The following EYA4 variants were observed in gnomAD, a reference collection of about 807,000 sequenced individuals.
The protein encoded by EYA4 is protein phosphatase EYA4.
Under a neutral mutation model 87.9 loss-of-function variants are expected in EYA4, and 31 were observed. The observed-to-expected ratio is 0.35, with a 90% CI of 0.27 to 0.48. EYA4 has a LOEUF of 0.48. Ranked by LOEUF, EYA4 falls within the 20% of genes least tolerant of loss-of-function variation. The pLI is 0.99. For synonymous variants in EYA4, 263 were observed against 270.6 expected, an observed-to-expected ratio of 0.97 and a Z score of 0.28; for missense variants, 678 against 761.4, an observed-to-expected ratio of 0.89 and a Z score of 1.29.
chr6:133,349,356 A>G (rs1783457434), intron 2 of EYA4, among the ~76,000 whole-genome samples: 1 of 152,220 alleles, frequency 6.6e-6, no homozygotes, highest in Non-Finnish European at 1.5e-5. Flanking sequence ...TCCATCAATT[A>G]GTATATAAGT....
At chr6:133,291,172 G>A (rs962452564) in intron 2 of EYA4, among the ~76,000 whole-genome samples, 5 of 151,956 alleles carry the variant, frequency 3.3e-5, no homozygotes, top group Non-Finnish European at 7.4e-5. Context: ...TCATCCCCTG[G>A]GCCTTTTATG....
chr6:133,393,280 T>A (rs1273816308), intron 3 of EYA4, among the ~76,000 whole-genome samples: 1 of 152,190 alleles, frequency 6.6e-6, no homozygotes, highest in Non-Finnish European at 1.5e-5. Context: ...AATTAAATGC[T>A]TATTCTCCCC....
intron 2 of EYA4, among the ~76,000 whole-genome samples, chr6:133,330,566 TATACACAC>T (rs776194326): frequency 3.1e-3 from 171 of 54,718 alleles, no homozygotes; most frequent in African/African-American, 0.011. Context: ...TATATATATA[TATACACAC>T]ACACACACAC....
chr6:133,433,273 T>C (rs930786394), intron 3 of EYA4, among the ~76,000 whole-genome samples: 5 of 152,222 alleles, frequency 3.3e-5, no homozygotes, highest in Non-Finnish European at 7.3e-5. Context: ...AGTAACCTCA[T>C]AGTCTTTTGT....
chr6:133,433,633 C>T (rs1190833962), intron 3 of EYA4, among the ~76,000 whole-genome samples: 4 of 152,148 alleles, frequency 2.6e-5, no homozygotes, highest in East Asian at 1.9e-4. Flanking sequence ...GGATTACAGG[C>T]GTGAGCCACT....
chr6:133,503,912 A>ACTT (rs1449674011), intron 13 of EYA4, among the ~76,000 whole-genome samples: 1 of 152,032 alleles, frequency 6.6e-6, no homozygotes, highest in Non-Finnish European at 1.5e-5. Flanking sequence ...ACAAACTGGC[A>ACTT]CTTATTAATA....
chr6:133,449,211 G>T (rs566822287), intron 5 of EYA4, among the ~76,000 whole-genome samples: 2 of 152,264 alleles, frequency 1.3e-5, no homozygotes, highest in Admixed American at 6.5e-5. Flanking sequence ...GCTCAGCTCT[G>T]CCATCATAGT....
chr6:133,510,501 T>C lies in EYA4; in HGVS notation c.1282-2220T>C, dbSNP rs79137983. ...AGAAAAACTTTATTTCCAACCCTTA[T>C]GCTAATGGGTAAAATCTCTCCACTC... is the stretch of plus-strand genomic sequence containing the variant. On this transcript the variant is annotated intron_variant, in intron 14 of 19. Coordinates refer to ENST00000355286, the MANE Select transcript of EYA4 (RefSeq NM_004100.5). 1,871 of 331,272 alleles carry C rather than the reference T, an allele frequency of 5.6e-3. 39 individuals are homozygous for C. The highest frequency in any genetic ancestry group is 0.038 in the African/African-American group (1,764 of 46,412). 20.5% of individuals were successfully genotyped at this position (331,272 alleles called of 1,614,324 possible).
At chr6:133,463,308 ATTAAATTTTT>A (rs1794560761) in intron 9 of EYA4, among the ~76,000 whole-genome samples, 2 of 150,938 alleles carry the variant, frequency 1.3e-5, no homozygotes, top group Non-Finnish European at 2.9e-5. Flanking sequence ...ATATAGGATC[ATTAAATTTTT>A]TTAAATTTTA....
chr6:133,354,356 A>G (rs1783857741), intron 2 of EYA4, among the ~76,000 whole-genome samples: 1 of 152,110 alleles, frequency 6.6e-6, no homozygotes, highest in Non-Finnish European at 1.5e-5. Flanking sequence ...ATTGGACATC[A>G]TGGCAGTGAT....
intron 13 of EYA4, among the ~76,000 whole-genome samples, chr6:133,497,239 C>T (rs760408950): frequency 4.6e-5 from 7 of 151,958 alleles, no homozygotes; most frequent in Non-Finnish European, 8.8e-5. Flanking sequence ...TGTTCTTTCC[C>T]CACAACTTGT....
chr6:133,258,108 G>C (rs550195372), intron 1 of EYA4, among the ~76,000 whole-genome samples: 25 of 152,250 alleles, frequency 1.6e-4, no homozygotes, highest in African/African-American at 6.0e-4. Context: ...AGTGTCTATG[G>C]GCAGCACCTG....
chr6:133,374,489 TC>T (rs1785517549), intron 2 of EYA4, among the ~76,000 whole-genome samples: 1 of 152,046 alleles, frequency 6.6e-6, no homozygotes, highest in Non-Finnish European at 1.5e-5. Context: ...ATTATCTAAC[TC>T]CACTATTCTT....
intron 2 of EYA4, among the ~76,000 whole-genome samples, chr6:133,290,584 C>G (rs1778410565): frequency 6.6e-6 from 1 of 152,084 alleles, no homozygotes; most frequent in East Asian, 1.9e-4. Flanking sequence ...TAGGGAGATT[C>G]TAAATAGAGC....
At chr6:133,268,164 T>G (rs542333448) in intron 1 of EYA4, among the ~76,000 whole-genome samples, 1 of 152,238 alleles carries the variant, frequency 6.6e-6, no homozygotes, top group Non-Finnish European at 1.5e-5. Context: ...CTCCTACTCT[T>G]TCCTAATCAT....
chr6:133,407,746 A>G (rs1184338253), intron 3 of EYA4, among the ~76,000 whole-genome samples: 1 of 151,982 alleles, frequency 6.6e-6, no homozygotes, highest in Non-Finnish European at 1.5e-5. Context: ...GGAAAAAAAA[A>G]TAAAAGAAAA....
chr6:133,262,790 C>T (rs1413260653), intron 1 of EYA4, among the ~76,000 whole-genome samples: 1 of 152,128 alleles, frequency 6.6e-6, no homozygotes, highest in East Asian at 1.9e-4. Context: ...CATGTTCTAT[C>T]TTTATAGACA....
chr6:133,401,495 C>T (rs1390897269), intron 3 of EYA4, among the ~76,000 whole-genome samples: 5 of 152,064 alleles, frequency 3.3e-5, no homozygotes, highest in East Asian at 3.9e-4. Context: ...AATTATCACA[C>T]GTACCCTCAA....
At chr6:133,292,551 G>C (rs1013727974) in intron 2 of EYA4, among the ~76,000 whole-genome samples, 3 of 152,194 alleles carry the variant, frequency 2.0e-5, no homozygotes, top group African/African-American at 7.2e-5. Flanking sequence ...ACGGGAAGTT[G>C]CTTTGCTGTT....
Sources: gnomAD v4.1 joint callset for allele counts (sites outside exome capture counted in the v4.1 genomes callset) on GRCh38, gnomAD v4.1.1 for gene constraint, MANE v1.5 for transcripts, NCBI Gene and HGNC (gene_info 2026-07-23, HGNC 2026-07-21) for gene names.